The following ZPBP variants were observed in gnomAD, a reference collection of about 807,000 sequenced individuals.
ZPBP encodes the protein zona pellucida-binding protein 1.
In ZPBP, 26 loss-of-function variants were observed where a neutral mutation model predicts 44.8. The ratio of observed to expected loss-of-function variants is 0.58; its 90% CI spans 0.43 to 0.81. ZPBP has a LOEUF of 0.81. ZPBP is among the 30% of genes least tolerant of loss of function. ZPBP has a pLI of 0.00. For missense variants in ZPBP, 409 were observed against 434.0 expected (o/e 0.94, Z 0.51); for synonymous variants, 174 against 153.2 (o/e 1.14, Z -1.00).
At chr7:50,077,309 G>T (rs1802145327) in intron 3 of ZPBP, among the ~76,000 whole-genome samples, 1 of 148,492 alleles carries the variant, frequency 6.7e-6, no homozygotes, top group South Asian at 2.1e-4. Context: ...TAAACATTGG[G>T]GAAAATCTCC....
downstream of ZPBP, among the ~76,000 whole-genome samples, chr7:49,934,035 TA>T (rs1794545831): frequency 7.6e-6 from 1 of 131,454 alleles, no homozygotes; most frequent in Admixed American, 8.4e-5. Context: ...ACATGTACCC[TA>T]AAACTTAAAG....
intron 2 of ZPBP, among the ~76,000 whole-genome samples, chr7:50,084,822 A>G (rs1372547099): frequency 6.6e-6 from 1 of 152,110 alleles, no homozygotes; most frequent in East Asian, 1.9e-4. Flanking sequence ...TACAAATGGC[A>G]GAATAAGGAA....
At chr7:49,974,321 A>T (rs543528292) in intron 7 of ZPBP, among the ~76,000 whole-genome samples, 2 of 152,294 alleles carry the variant, frequency 1.3e-5, no homozygotes, top group East Asian at 1.9e-4. Context: ...AATAAAAAAA[A>T]AGTAGAGCTT....
At chr7:50,044,216 A>T (rs1290116945) in intron 4 of ZPBP, among the ~76,000 whole-genome samples, 1 of 152,228 alleles carries the variant, frequency 6.6e-6, no homozygotes, top group Non-Finnish European at 1.5e-5. Context: ...AAAGCAGGAA[A>T]GATTTAAAAT....
intron 1 of ZPBP, among the ~76,000 whole-genome samples, chr7:49,906,844 C>T (rs952476702): frequency 2.0e-5 from 3 of 152,018 alleles, no homozygotes; most frequent in South Asian, 2.1e-4. Flanking sequence ...TTGATGTTTT[C>T]GTTGGTTTTT....
chr7:49,933,817 C>G (rs1430385909), downstream of ZPBP, among the ~76,000 whole-genome samples: 1 of 148,924 alleles, frequency 6.7e-6, no homozygotes, highest in Non-Finnish European at 1.5e-5. Flanking sequence ...AAACCAAACA[C>G]TGTATGTTCT....
chr7:49,881,128 C>T (rs868008835), intron 2 of ZPBP, among the ~76,000 whole-genome samples: 4 of 152,222 alleles, frequency 2.6e-5, no homozygotes, highest in Middle Eastern at 3.4e-3. Context: ...GCCAGGTTTG[C>T]GTTTGACTTG....
At chr7:50,064,680 C>T (rs917543482) in intron 3 of ZPBP, among the ~76,000 whole-genome samples, 4 of 152,208 alleles carry the variant, frequency 2.6e-5, no homozygotes, top group Non-Finnish European at 5.9e-5. Flanking sequence ...CCGCCCAGCT[C>T]GCCAGCGGTC....
intron 7 of ZPBP, among the ~76,000 whole-genome samples, chr7:49,946,485 T>C (rs1290037087): frequency 6.6e-6 from 1 of 152,162 alleles, no homozygotes; most frequent in African/African-American, 2.4e-5. Flanking sequence ...TACAAATTTT[T>C]TCTTTTTTTT....
intron 7 of ZPBP, among the ~76,000 whole-genome samples, chr7:49,950,485 A>G (rs769121297): frequency 4.0e-5 from 6 of 151,810 alleles, no homozygotes; most frequent in Non-Finnish European, 5.9e-5. Context: ...AAAAACAATG[A>G]TCTCTATACT....
At chr7:49,981,600 TAA>T (rs1285583725) in intron 7 of ZPBP, among the ~76,000 whole-genome samples, 2 of 23,772 alleles carry the variant, frequency 8.4e-5, no homozygotes, top group African/African-American at 1.9e-4. Context: ...TATAATTATA[TAA>T]ATTATATAAT....
At chr7:49,977,969 A>C (rs1796603106) in intron 7 of ZPBP, among the ~76,000 whole-genome samples, 1 of 152,136 alleles carries the variant, frequency 6.6e-6, no homozygotes, top group Non-Finnish European at 1.5e-5. Flanking sequence ...TGATACACCT[A>C]TGAGTTTTAA....
chr7:50,071,676 G>A (rs958946051), intron 3 of ZPBP, among the ~76,000 whole-genome samples: 5 of 152,062 alleles, frequency 3.3e-5, no homozygotes, highest in African/African-American at 1.2e-4. Flanking sequence ...TAAGATACCA[G>A]CCCAAGCACA....
At chr7:49,843,044 T>C in the ZPBP span, among the ~76,000 whole-genome samples, 1 of 152,122 alleles carries the variant, frequency 6.6e-6, no homozygotes, top group Non-Finnish European at 1.5e-5. Flanking sequence ...GTTTTTCCCC[T>C]TCCCTTTCCC....
At chr7:49,886,340 C>T (rs1791903196) in intron 2 of ZPBP, among the ~76,000 whole-genome samples, 1 of 152,134 alleles carries the variant, frequency 6.6e-6, no homozygotes, top group African/African-American at 2.4e-5. Context: ...TTAGCCTGAC[C>T]TCTACAATAT....
At chr7:50,002,907 T>C (rs1798157254) in intron 6 of ZPBP, among the ~76,000 whole-genome samples, 1 of 152,174 alleles carries the variant, frequency 6.6e-6, no homozygotes, top group Admixed American at 6.6e-5. Flanking sequence ...ATAAAACATT[T>C]ATTGATAAAA....
At chr7:49,914,403 T>G (rs1340098893) in intron 1 of ZPBP, 1 of 152,232 alleles carries the variant, frequency 6.6e-6, no homozygotes, top group African/African-American at 2.4e-5. Context: ...CTGACTCACT[T>G]GCTCTAAACT....
chr7:50,070,418 T>C (rs1242699363), intron 3 of ZPBP, among the ~76,000 whole-genome samples: 2 of 152,212 alleles, frequency 1.3e-5, no homozygotes, highest in Non-Finnish European at 2.9e-5. Flanking sequence ...CTGGTTCTGC[T>C]GCACTGCCAG....
intron 7 of ZPBP, among the ~76,000 whole-genome samples, chr7:49,971,742 C>T (rs562522009): frequency 9.1e-4 from 139 of 152,210 alleles, no homozygotes; most frequent in Non-Finnish European, 1.4e-3. Context: ...AACTTCCTAA[C>T]TCATTCTATG....
Sources: gnomAD v4.1 joint callset for allele counts (sites outside exome capture counted in the v4.1 genomes callset) on GRCh38, gnomAD v4.1.1 for gene constraint, MANE v1.5 for transcripts, NCBI Gene and HGNC (gene_info 2026-07-23, HGNC 2026-07-21) for gene names.